Variants in MAGEB5 observed in about 807,000 individuals in gnomAD.
MAGEB5 encodes the protein MAGE family member B5.
For synonymous variants in MAGEB5, 70 were observed against 75.0 expected (o/e 0.93, Z 0.34); for missense variants, 189 against 197.1 (o/e 0.96, Z 0.25).
rs757884999 is a variant in MAGEB5, at chrX:26,217,290, G to A, written c.-12G>A. Reference sequence around the variant, plus strand: ...AAGTGGCACTTCCCAGGAGCCTTGCGAATCCAGCACCATGACTTCTGCAGG... The same window carrying A: ...AAGTGGCACTTCCCAGGAGCCTTGCAAATCCAGCACCATGACTTCTGCAGG... On this transcript the variant is annotated 5_prime_UTR_variant, in exon 2 of 2. Transcript: ENST00000602297. The A allele has an allele frequency of 3.9e-5, 44 of 1,119,496 alleles. No individual in the cohort carries two copies. Among genetic ancestry groups the A allele is most frequent in the South Asian group, 1.8e-4 (8 of 45,198 alleles). 92.3% of individuals were successfully genotyped at this position (1,119,496 alleles called of 1,213,427 possible).
Position 26,217,264 on chromosome X carries a change from C to T in MAGEB5, c.-38C>T, listed in dbSNP as rs1238857980. ...CCCCAGAGCTCATCTGCTGCTGAGT[C>T]AAGTGGCACTTCCCAGGAGCCTTGC... On this transcript the variant is annotated 5_prime_UTR_variant, in exon 2 of 2. The change creates a premature stop within an existing upstream ORF in the 5' untranslated region. Transcript: ENST00000602297. 6 of 1,019,026 alleles carry T rather than the reference C, an allele frequency of 5.9e-6. No homozygotes were observed. In the Admixed American group the frequency reaches 1.1e-4, roughly 18 times the overall value. The allele number at this position is 1,019,026 out of a possible 1,213,427, so 84.0% of individuals were successfully genotyped here.
Position 26,217,450 on chromosome X carries a change from T to G in MAGEB5, c.149T>G (p.Phe50Cys). ...ATTAAGGTGGGTTTGTTGGAGCAGT[T>G]CCTGCTCTACAAGTTCAAAATGAAA... ...INIKVGLLEQ[F>C]LLYKFKMKQR... Residue 50 changes from phenylalanine (F) to cysteine (C), a missense_variant, in exon 2 of 2, where the codon TTC (phenylalanine) becomes TGC (cysteine). Coordinates refer to ENST00000602297, the MANE Select transcript of MAGEB5 (RefSeq NM_001271752.1). The G allele has an allele frequency of 8.6e-7, 1 of 1,165,205 alleles. No individual in the cohort carries two copies. Among genetic ancestry groups the G allele is most frequent in the Non-Finnish European group, 1.1e-6 (1 of 872,579 alleles).
intron 1 of MAGEB5, among the ~76,000 whole-genome samples, chrX:26,216,850 T>C (rs774626006): frequency 1.9e-4 from 21 of 112,580 alleles, no homozygotes; most frequent in African/African-American, 6.1e-4. Flanking sequence ...GGCTAAAGCC[T>C]ATGGTTCCGT....
chrX:26,217,389 C>T lies in MAGEB5; in HGVS notation c.88C>T (p.Pro30Ser). 1.7e-6 allele frequency: 2 copies of T among 1,166,313 alleles called. No homozygotes were observed. Among genetic ancestry groups the T allele is most frequent in the Non-Finnish European group, 2.3e-6 (2 of 872,368 alleles). Residue 30 changes from proline to serine, a missense_variant, in exon 2 of 2, where the codon CCC (proline) becomes TCC (serine). Pro to Ser is a moderately conservative substitution (Grantham distance 74). Coordinates refer to ENST00000602297, the MANE Select transcript of MAGEB5 (RefSeq NM_001271752.1). ...GTACCCATGTTCCTCAGAGGTCTCA[C>T]CCTCCACTGAGAGTTCATGCAGCAA... ...EEYPCSSEVS[P>S]STESSCSNFI...
At position 26,217,832 on chromosome X, in the gene MAGEB5, C is replaced by T; in HGVS notation, c.531C>T (p.Ile177=). ...YYIYGEPRKL[I]TQDFVRLTYL... ...TCTATGGAGAGCCCAGGAAGCTCAT[C>T]ACTCAGGATTTCGTGAGGCTAACGT... The change falls in exon 2 of 2, where the codon ATC becomes ATT. Residue 177 remains isoleucine, a synonymous_variant. Transcript: ENST00000602297. 1.7e-6 allele frequency: 2 copies of T among 1,178,557 alleles called. No individual in the cohort carries two copies. The highest frequency in any genetic ancestry group is 1.9e-5 in the South Asian group (1 of 53,449).
chrX:26,217,171 G>C lies in MAGEB5; in HGVS notation c.-131G>C, dbSNP rs1335716999. ...CAAGATGACTCTCTGCTTCAGAGTG[G>C]AGCTCAGGCCAGTGAATAAGTGGAA... On this transcript the variant is annotated 5_prime_UTR_variant, in exon 2 of 2. Transcript: ENST00000602297. 2.1e-6 allele frequency: 1 copy of C among 469,367 alleles called. No individual in the cohort carries two copies. Among genetic ancestry groups the C allele is most frequent in the Admixed American group, 4.3e-5 (1 of 23,048 alleles). The allele number at this position is 469,367 out of a possible 1,213,427, so 38.7% of individuals were successfully genotyped here. A position where few individuals can be genotyped will look rare whatever the true frequency, so the allele number is the denominator to read the frequency against.
chrX:26,217,187 A>G lies in MAGEB5; in HGVS notation c.-115A>G. 1 of 509,999 alleles carries G rather than the reference A, an allele frequency of 2.0e-6. No homozygotes were observed. Among genetic ancestry groups the G allele is most frequent in the South Asian group, 3.4e-5 (1 of 29,683 alleles). 42.0% of individuals were successfully genotyped at this position (509,999 alleles called of 1,213,427 possible). A position where few individuals can be genotyped will look rare whatever the true frequency, so the allele number is the denominator to read the frequency against. On this transcript the variant is annotated 5_prime_UTR_variant, in exon 2 of 2. Transcript: ENST00000602297. ...TTCAGAGTGGAGCTCAGGCCAGTGA[A>G]TAAGTGGAAGATGATCCCCTCCCCA... is the stretch of plus-strand genomic sequence containing the variant.
chrX:26,217,403 T>C lies in MAGEB5; in HGVS notation c.102T>C (p.Ser34=). 8.6e-7 allele frequency: 1 copy of C among 1,166,074 alleles called. No homozygotes were observed. The highest frequency in any genetic ancestry group is 3.3e-5 in the East Asian group (1 of 30,713). Residue 34 remains serine (S), a synonymous_variant, in exon 2 of 2, where the codon AGT becomes AGC. Coordinates refer to ENST00000602297, the MANE Select transcript of MAGEB5 (RefSeq NM_001271752.1). ...CAGAGGTCTCACCCTCCACTGAGAG[T>C]TCATGCAGCAATTTCATAAATATTA... is the stretch of plus-strand genomic sequence containing the variant. ...CSSEVSPSTE[S]SCSNFINIKV... is the part of the protein sequence containing the mutation.
intron 1 of MAGEB5, 78 bp from the exon 2 acceptor site, chrX:26,217,007 C>A (rs750941885): frequency 3.5e-6 from 1 of 288,724 alleles, no homozygotes; most frequent in African/African-American, 2.7e-5. Flanking sequence ...GGTGCACAGA[C>A]CCTCTCAATC....
In MAGEB5 at chrX:26,217,534, T is replaced by C. The variant is rs747634961; in HGVS notation, c.233T>C (p.Phe78Ser). The change falls in exon 2 of 2, where the codon TTT becomes TCT. Residue 78 changes from phenylalanine to serine, a missense_variant. Transcript: ENST00000602297. ...KIVNPRYQNQFAEIHRRASEH... is the reference protein window; with the variant it reads ...KIVNPRYQNQSAEIHRRASEH... ...GTCAACCCAAGATACCAAAACCAGT[T>C]TGCTGAGATTCACAGAAGAGCTTCT... The C allele has an allele frequency of 2.6e-6, 3 of 1,166,432 alleles. No individual in the cohort carries two copies. In the South Asian group the frequency reaches 5.7e-5, roughly 22 times the overall value.
Position 26,217,669 on chromosome X carries a change from T to C in MAGEB5, c.368T>C (p.Val123Ala). The C allele has an allele frequency of 8.6e-7, 1 of 1,166,394 alleles. No homozygotes were observed. Among genetic ancestry groups the C allele is most frequent in the Non-Finnish European group, 1.1e-6 (1 of 872,684 alleles). ...LKLPNNGRIH[V>A]GKVLPKTGLL... ...CTCCCCAACAATGGGAGGATTCATG[T>C]TGGCAAAGTGTTACCCAAGACTGGT... The change falls in exon 2 of 2, where the codon GTT becomes GCT. Residue 123 changes from valine (V) to alanine (A), a missense_variant. Physicochemically the swap from Val to Ala is moderately conservative, Grantham distance 64. Coordinates refer to ENST00000602297, the MANE Select transcript of MAGEB5 (RefSeq NM_001271752.1).
chrX:26,217,633 G>A lies in MAGEB5; in HGVS notation c.332G>A (p.Ser111Asn). The change falls in exon 2 of 2, where the codon AGC becomes AAC. Residue 111 changes from serine (S) to asparagine (N), a missense_variant. Physicochemically the swap from Ser to Asn is conservative, Grantham distance 46 (BLOSUM62 1). Coordinates refer to ENST00000602297, the MANE Select transcript of MAGEB5 (RefSeq NM_001271752.1). ...NPTCHLYDLV[S>N]KLKLPNNGRI... ...ACTTGTCACTTATATGACCTTGTCA[G>A]CAAGCTGAAACTCCCCAACAATGGG... is the stretch of plus-strand genomic sequence containing the variant. The A allele has an allele frequency of 8.6e-7, 1 of 1,166,502 alleles. No individual in the cohort carries two copies. Among genetic ancestry groups the A allele is most frequent in the South Asian group, 1.9e-5 (1 of 52,526 alleles).
Position 26,217,480 on chromosome X carries a change from G to A in MAGEB5, c.179G>A (p.Arg60His), listed in dbSNP as rs754656027. ...CTCTACAAGTTCAAAATGAAACAGC[G>A]TATTTTGAAGGAAGATATGCTGAAG... ...FLLYKFKMKQ[R>H]ILKEDMLKIV... Residue 60 changes from arginine to histidine, a missense_variant, in exon 2 of 2, where the codon CGT becomes CAT. Coordinates refer to ENST00000602297, the MANE Select transcript of MAGEB5 (RefSeq NM_001271752.1). 12 of 1,164,635 alleles carry A rather than the reference G, an allele frequency of 1.0e-5. No individual in the cohort carries two copies. Among genetic ancestry groups the A allele is most frequent in the East Asian group, 3.3e-5 (1 of 30,684 alleles).
Position 26,217,368 on chromosome X carries a change from C to T in MAGEB5, c.67C>T (p.Pro23Ser). 8.6e-7 allele frequency: 1 copy of T among 1,165,633 alleles called. No homozygotes were observed. ...GGCTAACAGTAGAGATGAGGAGTACCCATGTTCCTCAGAGGTCTCACCCTC... is the reference window on the plus strand; with the variant it reads ...GGCTAACAGTAGAGATGAGGAGTACTCATGTTCCTCAGAGGTCTCACCCTC... ...ERANSRDEEY[P>S]CSSEVSPSTE... Residue 23 changes from proline (P) to serine (S), a missense_variant, in exon 2 of 2, where the codon CCA becomes TCA. Transcript: ENST00000602297.
rs1929471587 is a variant in MAGEB5, at chrX:26,217,776, A to ATGCAAATATATGATGGGAAGAAGTAC, written c.477_502dup (p.Tyr168CysfsTer24). 8.6e-7 allele frequency: 1 copy of ATGCAAATATATGATGGGAAGAAGTAC among 1,165,564 alleles called. No homozygotes were observed. The highest frequency in any genetic ancestry group is 1.1e-6 in the Non-Finnish European group (1 of 872,724). ...AGATACCTGGAAATTTCTGGATATG[A>ATGCAAATATATGATGGGAAGAAGTAC]TGCAAATATATGATGGGAAGAAGTA... On this transcript the variant is annotated frameshift_variant, in exon 2 of 2. Coordinates refer to ENST00000602297, the MANE Select transcript of MAGEB5 (RefSeq NM_001271752.1). LOFTEE classifies it low-confidence loss of function (END_TRUNC).
chrX:26,217,771 A>T lies in MAGEB5; in HGVS notation c.470A>T (p.Asp157Val). 8.6e-7 allele frequency: 1 copy of T among 1,166,991 alleles called. No individual in the cohort carries two copies. Among genetic ancestry groups the T allele is most frequent in the Non-Finnish European group, 1.1e-6 (1 of 872,926 alleles). Residue 157 changes from aspartate (D) to valine (V), a missense_variant, in exon 2 of 2, where the codon GAT (aspartate) becomes GTT (valine). Asp to Val is a radical substitution (Grantham distance 152, BLOSUM62 -3). Coordinates refer to ENST00000602297, the MANE Select transcript of MAGEB5 (RefSeq NM_001271752.1). ...ANKEDTWKFLDMMQIYDGKKY... is the reference protein window; with the variant it reads ...ANKEDTWKFLVMMQIYDGKKY... ...AAGGAAGATACCTGGAAATTTCTGG[A>T]TATGATGCAAATATATGATGGGAAG...
In MAGEB5 at chrX:26,216,185, GACA is replaced by G. The variant is rs1425232736; in HGVS notation, c.-228_-226del. The G allele has an allele frequency of 8.9e-6, 1 of 111,813 alleles. No individual in the cohort carries two copies. Among genetic ancestry groups the G allele is most frequent in the Non-Finnish European group, 1.9e-5 (1 of 53,246 alleles). 9.2% of individuals were successfully genotyped at this position (111,813 alleles called of 1,213,427 possible). ...ATTCAACTGTTACTCTCAGCCTTGG[GACA>G]ACGAGGACAGGTAAGAACAAATGAG... is the stretch of plus-strand genomic sequence containing the variant. On this transcript the variant is annotated 5_prime_UTR_variant, in exon 1 of 2. Transcript: ENST00000602297.
rs1371471647 is a variant in MAGEB5 at position 26,217,923 on chromosome X, G to A, written c.622G>A (p.Ala208Thr). The A allele has an allele frequency of 2.5e-6, 3 of 1,206,342 alleles. No individual in the cohort carries two copies. The African/African-American group carries it at 5.3e-5, about 21-fold the overall frequency. ...CTATCAATTCCTTTGGGGTCCAAGA[G>A]CCTATACTGAAACCAGCAAGATGAA... Reference protein sequence around the residue: ...AHYQFLWGPRAYTETSKMKVL... With the variant: ...AHYQFLWGPRTYTETSKMKVL... Residue 208 changes from alanine (A) to threonine (T), a missense_variant, in exon 2 of 2, where the codon GCC becomes ACC. Ala to Thr is a moderately conservative substitution (Grantham distance 58). Coordinates refer to ENST00000602297, the MANE Select transcript of MAGEB5 (RefSeq NM_001271752.1).
At position 26,217,254 on chromosome X, in the gene MAGEB5, G is replaced by T; in HGVS notation, c.-48G>T. 1.1e-6 allele frequency: 1 copy of T among 947,929 alleles called. No individual in the cohort carries two copies. Among genetic ancestry groups the T allele is most frequent in the East Asian group, 3.4e-5 (1 of 29,653 alleles). 78.1% of individuals were successfully genotyped at this position (947,929 alleles called of 1,213,427 possible). ...TGGGGATATTCCCCAGAGCTCATCTGCTGCTGAGTCAAGTGGCACTTCCCA... is the reference window on the plus strand; with the variant it reads ...TGGGGATATTCCCCAGAGCTCATCTTCTGCTGAGTCAAGTGGCACTTCCCA... On this transcript the variant is annotated 5_prime_UTR_variant, in exon 2 of 2. Transcript: ENST00000602297.
Sources: gnomAD v4.1 joint callset for allele counts (sites outside exome capture counted in the v4.1 genomes callset) on GRCh38, gnomAD v4.1.1 for gene constraint, MANE v1.5 for transcripts, NCBI Gene and HGNC (gene_info 2026-07-23, HGNC 2026-07-21) for gene names.